Variants in SCN11A observed in about 807,000 individuals in gnomAD.
SCN11A encodes sodium channel protein type 11 subunit alpha.
A neutral mutation model predicts 162.2 loss-of-function variants in SCN11A; 122 were observed. The observed-to-expected ratio is 0.75, with a 90% CI of 0.65 to 0.87. The LOEUF is 0.87. Ranked by LOEUF, SCN11A falls within the 40% of genes least tolerant of loss-of-function variation. The probability of loss-of-function intolerance (pLI) is 0.00; values close to 1 mark genes in which losing one functional copy is unlikely to be tolerated. For missense variants in SCN11A, 2,015 were observed against 2,181.6 expected, an observed-to-expected ratio of 0.92 and a Z score of 1.52; for synonymous variants, 758 against 751.5, an observed-to-expected ratio of 1.01 and a Z score of -0.14.
chr3:38,848,244 C>T (rs2064708583), intron 29 of SCN11A, among the ~76,000 whole-genome samples: 1 of 152,230 alleles, frequency 6.6e-6, no homozygotes, highest in Non-Finnish European at 1.5e-5. Context: ...AATATTTGAC[C>T]TAAAATGTCG....
intron 11 of SCN11A, among the ~76,000 whole-genome samples, chr3:38,918,096 G>T (rs2065988610): frequency 6.6e-6 from 1 of 151,864 alleles, no homozygotes; most frequent in African/African-American, 2.4e-5. Flanking sequence ...TGTAATAAGA[G>T]ATTTTGGAGG....
chr3:39,051,870 T>G lies in SCN11A; in HGVS notation c.-413A>C. On this transcript the variant is annotated 5_prime_UTR_variant, in exon 1 of 30. The change abolishes an upstream ATG in the 5' untranslated region. Transcript: ENST00000302328. ...TTTTAGGTGCATCTACCTCATCACA[T>G]GGCTACCGGCCACACAGCAACTAAC... is the stretch of plus-strand genomic sequence containing the variant. 1.2e-6 allele frequency: 1 copy of G among 839,274 alleles called. No homozygotes were observed. The highest frequency in any genetic ancestry group is 1.9e-6 in the Non-Finnish European group (1 of 524,006). The allele number at this position is 839,274 out of a possible 1,614,324, so 52.0% of individuals were successfully genotyped here. A position where few individuals can be genotyped will look rare whatever the true frequency, so the allele number is the denominator to read the frequency against.
intron 7 of SCN11A, among the ~76,000 whole-genome samples, chr3:38,936,891 C>A (rs1185845836): frequency 1.3e-5 from 2 of 151,940 alleles, no homozygotes; most frequent in African/African-American, 4.8e-5. Context: ...CATATGGAAC[C>A]AAAAAAGAGC....
At chr3:38,933,801 C>T (rs1303372675) in intron 7 of SCN11A, among the ~76,000 whole-genome samples, 1 of 152,220 alleles carries the variant, frequency 6.6e-6, no homozygotes, top group East Asian at 1.9e-4. Context: ...AAACACTCTG[C>T]AGGATATTAT....
intron 3 of SCN11A, among the ~76,000 whole-genome samples, chr3:38,956,496 C>T (rs1248680605): frequency 6.6e-6 from 1 of 152,144 alleles, no homozygotes; most frequent in African/African-American, 2.4e-5. Flanking sequence ...GCCATTTTGA[C>T]AGGAACCTTG....
At chr3:38,920,066 A>T (rs753134374) in intron 10 of SCN11A, 65 bp from the exon 11 acceptor site, 3 of 1,225,750 alleles carry the variant, frequency 2.4e-6, no homozygotes, top group Non-Finnish European at 3.6e-6. Flanking sequence ...GAGAATAGTA[A>T]GTATGCAGAT....
intron 29 of SCN11A, chr3:38,849,420 A>C (rs997278222): frequency 3.3e-5 from 5 of 152,068 alleles, no homozygotes; most frequent in African/African-American, 1.2e-4. Context: ...ACCAGAACAC[A>C]CTATGAACTG....
At chr3:38,855,371 C>T (rs1036983949) in intron 28 of SCN11A, among the ~76,000 whole-genome samples, 1 of 152,182 alleles carries the variant, frequency 6.6e-6, no homozygotes, top group African/African-American at 2.4e-5. Flanking sequence ...TGGCAAGCCC[C>T]ACTCAAGGAG....
chr3:38,878,666 T>C (rs746996550), intron 23 of SCN11A, among the ~76,000 whole-genome samples: 15 of 152,162 alleles, frequency 9.9e-5, no homozygotes, highest in Non-Finnish European at 1.5e-5. Flanking sequence ...TATACCTTTC[T>C]AAAATGCCTG....
intron 16 of SCN11A, among the ~76,000 whole-genome samples, chr3:38,901,907 T>C (rs1007978033): frequency 1.3e-5 from 2 of 152,212 alleles, no homozygotes; most frequent in African/African-American, 4.8e-5. Flanking sequence ...TGGCTCCTCC[T>C]GCTCTGGAGG....
chr3:38,907,937 G>A lies in SCN11A; in HGVS notation c.1473+12C>T, dbSNP rs115646260. The A allele has an allele frequency of 8.0e-4, 1,270 of 1,595,618 alleles. 17 individuals carry two copies. In the African/African-American group the frequency reaches 0.013, roughly 16 times the overall value. ...GCAATATGGTATCATTAATTCCCTG[G>A]AAAAGACTTACCTTTTTTTGGCAAT... On this transcript the variant is annotated intron_variant, in intron 14 of 29. Coordinates refer to ENST00000302328, the MANE Select transcript of SCN11A (RefSeq NM_001349253.2).
intron 2 of SCN11A, among the ~76,000 whole-genome samples, chr3:39,008,872 A>G (rs2031049180): frequency 3.0e-5 from 4 of 132,926 alleles, no homozygotes; most frequent in Admixed American, 2.9e-4. Context: ...ACAGAGCAAG[A>G]CTCCATCTCA....
chr3:38,878,202 A>G (rs1011519178), intron 23 of SCN11A, among the ~76,000 whole-genome samples: 13 of 151,528 alleles, frequency 8.6e-5, no homozygotes, highest in African/African-American at 2.4e-4. Flanking sequence ...AAACCCACCC[A>G]TCTCAGCCTG....
At chr3:38,951,583 C>T (rs977757862) in intron 4 of SCN11A, among the ~76,000 whole-genome samples, 16 of 152,256 alleles carry the variant, frequency 1.1e-4, no homozygotes, top group Non-Finnish European at 1.9e-4. Context: ...GGCCCCGGTG[C>T]GGGATCCACT....
chr3:38,879,910 C>G lies in SCN11A; in HGVS notation c.3393+40G>C, dbSNP rs527568158. Reference sequence around the variant, plus strand: ...CTCCATATGATCCCTGCCTTAACCACTACCCCAGCCTGTGTGGGACACAGA... The same window carrying G: ...CTCCATATGATCCCTGCCTTAACCAGTACCCCAGCCTGTGTGGGACACAGA... On this transcript the variant is annotated intron_variant, in intron 23 of 29. Coordinates refer to ENST00000302328, the MANE Select transcript of SCN11A (RefSeq NM_001349253.2). 12 of 1,568,798 alleles carry G rather than the reference C, an allele frequency of 7.6e-6. No homozygotes were observed. In the East Asian group the frequency reaches 9.0e-5, roughly 12 times the overall value.
intron 2 of SCN11A, among the ~76,000 whole-genome samples, chr3:38,988,518 TC>T (rs1475469146): frequency 6.6e-6 from 1 of 152,036 alleles, no homozygotes; most frequent in Non-Finnish European, 1.5e-5. Flanking sequence ...CACACATCTT[TC>T]CCCTGTCCAG....
At chr3:38,858,288 A>C (rs1013978592) in intron 28 of SCN11A, among the ~76,000 whole-genome samples, 1 of 152,156 alleles carries the variant, frequency 6.6e-6, no homozygotes, top group African/African-American at 2.4e-5. Flanking sequence ...CTAACACATA[A>C]GGACTCATAT....
intron 23 of SCN11A, among the ~76,000 whole-genome samples, chr3:38,876,099 A>G (rs1321890803): frequency 2.0e-5 from 3 of 152,176 alleles, no homozygotes; most frequent in African/African-American, 4.8e-5. Flanking sequence ...AAACAAAAAC[A>G]TAAATTGGGA....
rs1403201132 is a variant in SCN11A at position 38,847,459 on chromosome 3, A to G, written c.4611T>C (p.Phe1537=). 1 of 1,614,178 alleles carries G rather than the reference A, an allele frequency of 6.2e-7. No individual in the cohort carries two copies. The highest frequency in any genetic ancestry group is 2.2e-5 in the East Asian group (1 of 44,880). The change falls in exon 30 of 30, where the codon TTT becomes TTC. Residue 1537 remains phenylalanine, a synonymous_variant. Transcript: ENST00000302328. ...GIDDIFNFKT[F]ASSMLCLFQI... ...GGAAGAGACAGAGCATGCTGCTGGC[A>G]AAAGTCTTGAAGTTGAATATGTCAT...
Sources: gnomAD v4.1 joint callset for allele counts (sites outside exome capture counted in the v4.1 genomes callset) on GRCh38, gnomAD v4.1.1 for gene constraint, MANE v1.5 for transcripts, NCBI Gene and HGNC (gene_info 2026-07-23, HGNC 2026-07-21) for gene names.